NWD2: variants seen among roughly 807,000 people sequenced by gnomAD.
NWD2 encodes NACHT and WD repeat domain-containing protein 2.
NWD2 carries 37 observed loss-of-function variants against 132.7 expected under a neutral mutation model. That is an observed-to-expected ratio of 0.28 (90% CI 0.21 to 0.37). The LOEUF (loss-of-function observed/expected upper bound fraction) is 0.37. Among genes scored for constraint, NWD2 ranks in the 10% least tolerant of loss-of-function variants. The pLI is 1.00. For missense variants in NWD2, 1,592 were observed against 2,122.4 expected (o/e 0.75, Z 4.91); for synonymous variants, 705 against 803.0 (o/e 0.88, Z 2.06).
rs575320160 is a variant in NWD2, at chr4:37,388,473, C to T, written c.357+31991C>T. 5.3e-3 allele frequency among the ~76,000 whole-genome samples: 799 copies of T among 152,050 alleles called. 1 individual carries two copies. The highest frequency in any genetic ancestry group is 0.014 in the African/African-American group (571 of 41,452). ...TGCTGGGATTACAGGCGTGAGCCACCACGCCTAGCCGACAGCTGTAGTTTT... is the reference window on the plus strand; with the variant it reads ...TGCTGGGATTACAGGCGTGAGCCACTACGCCTAGCCGACAGCTGTAGTTTT... On this transcript the variant is annotated intron_variant, in intron 3 of 6. Coordinates refer to ENST00000309447, the MANE Select transcript of NWD2 (RefSeq NM_001144990.2).
intron 1 of NWD2, among the ~76,000 whole-genome samples, chr4:37,296,416 A>G (rs1392291832): frequency 6.6e-6 from 1 of 152,224 alleles, no homozygotes; most frequent in Non-Finnish European, 1.5e-5. Context: ...CACAGTTCAC[A>G]ATTGTGAAGA....
chr4:37,379,193 C>G (rs934378929), intron 3 of NWD2, among the ~76,000 whole-genome samples: 10 of 152,168 alleles, frequency 6.6e-5, no homozygotes, highest in African/African-American at 2.4e-4. Context: ...ACTTTCTGGT[C>G]TGTTTTGCAG....
intron 1 of NWD2, among the ~76,000 whole-genome samples, chr4:37,300,442 ACGGGGTTT>A (rs1718591006): frequency 1.3e-5 from 2 of 152,156 alleles, no homozygotes; most frequent in African/African-American, 4.8e-5. Flanking sequence ...TATAGATCAT[ACGGGGTTT>A]TCTTTAAATA....
At chr4:37,338,281 C>G (rs1034030618) in intron 2 of NWD2, among the ~76,000 whole-genome samples, 1 of 152,194 alleles carries the variant, frequency 6.6e-6, no homozygotes, top group African/African-American at 2.4e-5. Flanking sequence ...CAAACCCAGC[C>G]GTGACTGCCA....
intron 1 of NWD2, among the ~76,000 whole-genome samples, chr4:37,283,002 C>T (rs1466679150): frequency 6.6e-6 from 1 of 152,060 alleles, no homozygotes; most frequent in Non-Finnish European, 1.5e-5. Flanking sequence ...TTAGTATGTC[C>T]TCAAGGTCAT....
chr4:37,353,314 T>G (rs1034962247), intron 2 of NWD2, among the ~76,000 whole-genome samples: 4 of 152,156 alleles, frequency 2.6e-5, no homozygotes, highest in Non-Finnish European at 4.4e-5. Context: ...ATCTGACGAT[T>G]ATGTGTCTTT....
chr4:37,317,626 T>C (rs1718984319), intron 1 of NWD2, among the ~76,000 whole-genome samples: 1 of 152,222 alleles, frequency 6.6e-6, no homozygotes, highest in African/African-American at 2.4e-5. Context: ...AGTTCAGTGA[T>C]TATTCATGAA....
chr4:37,329,221 C>T (rs1719238174), intron 2 of NWD2, among the ~76,000 whole-genome samples: 1 of 152,214 alleles, frequency 6.6e-6, no homozygotes, highest in Non-Finnish European at 1.5e-5. Context: ...GAGTGCTGAC[C>T]ACATGGCAAC....
At position 37,245,176 on chromosome 4, in the gene NWD2, G is replaced by A. The variant is rs1373781577; in HGVS notation, c.109G>A (p.Ala37Thr). Residue 37 changes from alanine (A) to threonine (T), a missense_variant, in exon 1 of 7, where the codon GCC becomes ACC. By Grantham distance (58) the Ala-to-Thr change is moderately conservative. Around this residue, in one of 7 missense-constraint regions of NWD2, gnomAD observed 88 missense variants for 92.8 expected, o/e 0.95. Coordinates refer to ENST00000309447, the MANE Select transcript of NWD2 (RefSeq NM_001144990.2). Reference sequence around the variant, plus strand: ...GGCCCTGCCCTCTCACCTCGTGCCCGCCGGCCGCAGCGTCCGGGTCTTCAT... The same window carrying A: ...GGCCCTGCCCTCTCACCTCGTGCCCACCGGCCGCAGCGTCCGGGTCTTCAT... ...LTALPSHLVP[A>T]GRSVRVFISA... 3.9e-6 allele frequency: 6 copies of A among 1,544,112 alleles called. No homozygotes were observed. Among genetic ancestry groups the A allele is most frequent in the South Asian group, 2.4e-5 (2 of 83,872 alleles).
At chr4:37,250,159 TACACACAC>T (rs59150547) in intron 1 of NWD2, among the ~76,000 whole-genome samples, 11 of 149,094 alleles carry the variant, frequency 7.4e-5, no homozygotes, top group Admixed American at 2.0e-4. Flanking sequence ...TGTGTGTGTA[TACACACAC>T]ACACACACAC....
intron 3 of NWD2, among the ~76,000 whole-genome samples, chr4:37,358,192 G>A (rs1719908373): frequency 6.6e-6 from 1 of 152,112 alleles, no homozygotes; most frequent in Non-Finnish European, 1.5e-5. Flanking sequence ...TTTACCTCGA[G>A]TGACAGGAAA....
intron 3 of NWD2, among the ~76,000 whole-genome samples, chr4:37,383,197 T>G (rs112676703): frequency 2.0e-5 from 3 of 152,224 alleles, no homozygotes; most frequent in African/African-American, 7.2e-5. Context: ...AATTTAACCT[T>G]AACTTGGTTT....
chr4:37,396,840 C>CT (rs1442379393), intron 3 of NWD2, among the ~76,000 whole-genome samples: 30 of 152,124 alleles, frequency 2.0e-4, no homozygotes, highest in Admixed American at 6.5e-5. Flanking sequence ...CGAGACCAGC[C>CT]TAGCCAACAT....
Position 37,445,964 on chromosome 4 carries a change from G to C in NWD2, c.3976G>C (p.Ala1326Pro). 1 of 1,551,598 alleles carries C rather than the reference G, an allele frequency of 6.4e-7. No homozygotes were observed. Among genetic ancestry groups the C allele is most frequent in the East Asian group, 2.4e-5 (1 of 40,918 alleles). The stretch of plus-strand genomic sequence containing the variant: ...ACCCATCCAAAGTCTGTTGTTGCCT[G>C]CTAGAGGGGAAATCATTTACTCCCT... The part of the protein sequence containing the change: ...GKPIQSLLLP[A>P]RGEIIYSLDG... The change falls in exon 7 of 7, where the codon GCT becomes CCT. Residue 1326 changes from alanine (A) to proline (P), a missense_variant. Ala to Pro is a conservative substitution (Grantham distance 27). This residue lies in a region of NWD2 where 1,071 missense variants were observed against 1,398.0 expected (regional missense o/e 0.77). Coordinates refer to ENST00000309447, the MANE Select transcript of NWD2 (RefSeq NM_001144990.2). This position sits in a 1 kb window ranked among gnomAD's most constrained non-coding sequence, Gnocchi z 4.7.
chr4:37,407,671 A>C (rs756567991), intron 3 of NWD2, among the ~76,000 whole-genome samples: 13 of 152,362 alleles, frequency 8.5e-5, no homozygotes, highest in Admixed American at 3.9e-4. Context: ...GCAAAAAGAA[A>C]TGTTGAAGCA....
At position 37,307,748 on chromosome 4, in the gene NWD2, C is replaced by T. The variant is rs140449950; in HGVS notation, c.152-18188C>T. On this transcript the variant is annotated intron_variant, in intron 1 of 6. Coordinates refer to ENST00000309447, the MANE Select transcript of NWD2 (RefSeq NM_001144990.2). Reference sequence around the variant, plus strand: ...CCCATCTCTTCCTCTTCTGGAAATTCCATAATACAAATATTTGTTTACTTA... The same window carrying T: ...CCCATCTCTTCCTCTTCTGGAAATTTCATAATACAAATATTTGTTTACTTA... 6.3e-4 allele frequency among the ~76,000 whole-genome samples: 96 copies of T among 152,242 alleles called. 1 individual carries two copies. The highest frequency in any genetic ancestry group is 2.3e-3 in the African/African-American group (94 of 41,554).
chr4:37,369,729 G>A (rs929737666), intron 3 of NWD2, among the ~76,000 whole-genome samples: 1 of 152,110 alleles, frequency 6.6e-6, no homozygotes, highest in African/African-American at 2.4e-5. Context: ...AAAGGTAGAG[G>A]GGGGGTCAAA....
In NWD2 at chr4:37,411,377, A is replaced by C. The variant is rs193296303; in HGVS notation, c.358-19195A>C. On this transcript the variant is annotated intron_variant, in intron 3 of 6. Coordinates refer to ENST00000309447, the MANE Select transcript of NWD2 (RefSeq NM_001144990.2). ...ACACCTCTATGCAAATAAACTAGAA[A>C]ATCTAGAAGAAATGGATAAATTCCT... Among the ~76,000 whole-genome samples, 339 of 152,340 alleles carry C rather than the reference A, an allele frequency of 2.2e-3. 4 individuals are homozygous for C. The highest frequency in any genetic ancestry group is 7.3e-3 in the African/African-American group (304 of 41,578).
At chr4:37,258,863 A>G (rs1457408467) in intron 1 of NWD2, among the ~76,000 whole-genome samples, 1 of 152,150 alleles carries the variant, frequency 6.6e-6, no homozygotes, top group Non-Finnish European at 1.5e-5. Context: ...TTCTTTTGGA[A>G]AATTAGTCTT....
Sources: gnomAD v4.1 joint callset for allele counts (sites outside exome capture counted in the v4.1 genomes callset) on GRCh38, gnomAD v4.1.1 for gene constraint, gnomAD v4.1.1 regional missense constraint, Gnocchi (gnomAD v3.1) non-coding constraint, MANE v1.5 for transcripts, NCBI Gene and HGNC (gene_info 2026-07-23, HGNC 2026-07-21) for gene names.